ZNF610: variants seen among roughly 807,000 people sequenced by gnomAD.
ZNF610 encodes the protein zinc finger protein 610.
Under a neutral mutation model 14.1 loss-of-function variants are expected in ZNF610, and 14 were observed. The observed-to-expected ratio is 0.99, with a 90% CI of 0.65 to 1.55. The LOEUF (loss-of-function observed/expected upper bound fraction) is 1.55. Ranked by LOEUF, ZNF610 falls within the 40% of genes most tolerant of loss-of-function variation. ZNF610 has a pLI of 0.00. For synonymous variants in ZNF610, 185 were observed against 187.6 expected (o/e 0.99, Z 0.11); for missense variants, 530 against 558.0 (o/e 0.95, Z 0.51).
intron 5 of ZNF610, among the ~76,000 whole-genome samples, chr19:52,364,681 G>T (rs965724052): frequency 3.3e-5 from 5 of 152,146 alleles, no homozygotes. Context: ...AGGTTCAAGT[G>T]ATTCTCCTGC....
Position 52,366,366 on chromosome 19 carries a change from T to C in ZNF610, c.988T>C (p.Ser330Pro), listed in dbSNP as rs1256936162. 3 of 1,613,044 alleles carry C rather than the reference T, an allele frequency of 1.9e-6. No homozygotes were observed. The highest frequency in any genetic ancestry group is 1.3e-5 in the African/African-American group (1 of 74,648). Residue 330 changes from serine (S) to proline (P), a missense_variant, in exon 6 of 6, where the codon TCT becomes CCT. Transcript: ENST00000403906. ...ECGKNFRHKF[S>P]LTNHQRSHTA... ...TGGCAAGAACTTCAGGCACAAATTT[T>C]CTCTAACCAATCATCAGAGAAGTCA... is the stretch of plus-strand genomic sequence containing the variant.
Position 52,336,268 on chromosome 19 carries a change from G to A in ZNF610, c.-496G>A, listed in dbSNP as rs1311238282. ...GCAGACCCGGAAGCGGATCGCGTGGGTAGAAGGTCACACCGCAGCGCGTCA... is the reference window on the plus strand; with the variant it reads ...GCAGACCCGGAAGCGGATCGCGTGGATAGAAGGTCACACCGCAGCGCGTCA... On this transcript the variant is annotated 5_prime_UTR_variant, in exon 1 of 6. Coordinates refer to ENST00000403906, the MANE Select transcript of ZNF610 (RefSeq NM_001161425.2). 3 of 270,586 alleles carry A rather than the reference G, an allele frequency of 1.1e-5. No homozygotes were observed. Among genetic ancestry groups the A allele is most frequent in the East Asian group, 1.6e-4 (1 of 6,426 alleles). 16.8% of individuals were successfully genotyped at this position (270,586 alleles called of 1,614,324 possible).
In ZNF610 at chr19:52,365,935, T is replaced by A; in HGVS notation, c.557T>A (p.Phe186Tyr). The change falls in exon 6 of 6, where the codon TTC becomes TAC. Residue 186 changes from phenylalanine to tyrosine, a missense_variant. Phe to Tyr is a conservative substitution (Grantham distance 22). Transcript: ENST00000403906. The part of the protein sequence containing the change: ...FNKYRNDLID[F>Y]PLLPQEEKAY... ...AAATATAGAAATGATCTTATTGATT[T>A]CCCATTACTCCCACAAGAAGAGAAA... 6.2e-7 allele frequency: 1 copy of A among 1,613,066 alleles called. No homozygotes were observed. Among genetic ancestry groups the A allele is most frequent in the Non-Finnish European group, 8.5e-7 (1 of 1,179,620 alleles).
chr19:52,360,004 G>C (rs2560990), intron 5 of ZNF610, among the ~76,000 whole-genome samples: 27,687 of 152,186 alleles, frequency 0.18, 2,864 homozygotes, highest in East Asian at 0.32. Flanking sequence ...GGCAAGGTAT[G>C]GGGGAAGGGG....
intron 1 of ZNF610, among the ~76,000 whole-genome samples, chr19:52,338,095 A>G (rs1427483553): frequency 6.6e-6 from 1 of 152,190 alleles, no homozygotes; most frequent in African/African-American, 2.4e-5. Context: ...TCACACTAAC[A>G]CTATCTATGT....
chr19:52,357,173 C>A (rs1325648179), intron 5 of ZNF610, among the ~76,000 whole-genome samples: 1 of 152,108 alleles, frequency 6.6e-6, no homozygotes, highest in East Asian at 1.9e-4. Flanking sequence ...GTTCACAGAT[C>A]TCATGGTAAT....
At chr19:52,332,306 G>C (rs146764703), upstream of ZNF610, among the ~76,000 whole-genome samples, 2 of 152,192 alleles carry the variant, frequency 1.3e-5, no homozygotes, top group Non-Finnish European at 2.9e-5. This position sits in a 1 kb window ranked among gnomAD's most constrained non-coding sequence, Gnocchi z 4.1. Context: ...GCTATTATGC[G>C]TAACCCATGG....
intron 1 of ZNF610, among the ~76,000 whole-genome samples, chr19:52,336,778 G>A (rs1053016821): frequency 2.6e-5 from 4 of 152,104 alleles, no homozygotes; most frequent in Admixed American, 2.6e-4. Flanking sequence ...CTACTCCCCA[G>A]GCCTCCCCTT....
upstream of ZNF610, among the ~76,000 whole-genome samples, chr19:52,333,659 C>T (rs543342220): frequency 1.5e-4 from 23 of 152,254 alleles, no homozygotes; most frequent in Non-Finnish European, 2.5e-4. Context: ...TTACAGAGGG[C>T]CCATGAATTA....
upstream of ZNF610, among the ~76,000 whole-genome samples, chr19:52,336,022 C>T (rs1984354225): frequency 2.0e-5 from 3 of 152,212 alleles, no homozygotes; most frequent in African/African-American, 7.2e-5. Flanking sequence ...CCTGCCACCA[C>T]GGCCGGCTTA....
At chr19:52,335,882 GAGTAT>G (rs1984348704), upstream of ZNF610, among the ~76,000 whole-genome samples, 2 of 152,196 alleles carry the variant, frequency 1.3e-5, no homozygotes, top group African/African-American at 4.8e-5. Flanking sequence ...AGTCTACACT[GAGTAT>G]AGCACTGGGT....
intron 5 of ZNF610, among the ~76,000 whole-genome samples, chr19:52,360,212 T>G (rs994114701): frequency 6.6e-6 from 1 of 152,264 alleles, no homozygotes; most frequent in African/African-American, 2.4e-5. Context: ...GAGATTAGAG[T>G]TCTGCCTTGA....
At chr19:52,351,061 A>G (rs1283064432) in intron 3 of ZNF610, among the ~76,000 whole-genome samples, 1 of 152,218 alleles carries the variant, frequency 6.6e-6, no homozygotes, top group East Asian at 1.9e-4. Context: ...GTTTCGTTGT[A>G]ATATTTTATA....
rs1441472184 is a variant in ZNF610, at chr19:52,365,739, A to G, written c.361A>G (p.Ile121Val). The G allele has an allele frequency of 6.2e-7, 1 of 1,611,696 alleles. No homozygotes were observed. The highest frequency in any genetic ancestry group is 1.1e-5 in the South Asian group (1 of 90,340). Reference sequence around the variant, plus strand: ...GGGAAGCAATGCAGAAAACAAGCCTATTAAAAATCAACTTGGATTAACCCT... The same window carrying G: ...GGGAAGCAATGCAGAAAACAAGCCTGTTAAAAATCAACTTGGATTAACCCT... Reference protein sequence around the residue: ...VLGSNAENKPIKNQLGLTLEA... With the variant: ...VLGSNAENKPVKNQLGLTLEA... The change falls in exon 6 of 6, where the codon ATT becomes GTT. Residue 121 changes from isoleucine (I) to valine (V), a missense_variant. Physicochemically the swap from Ile to Val is conservative, Grantham distance 29 (BLOSUM62 3). Coordinates refer to ENST00000403906, the MANE Select transcript of ZNF610 (RefSeq NM_001161425.2).
chr19:52,354,128 C>G, intron 4 of ZNF610, 123 bp from the exon 5 acceptor site: 1 of 1,358,214 alleles, frequency 7.4e-7, no homozygotes, highest in Non-Finnish European at 1.0e-6. Flanking sequence ...AGGAGCCAGT[C>G]TGTGGGTGAA....
intron 3 of ZNF610, among the ~76,000 whole-genome samples, chr19:52,353,083 C>T (rs1387006984): frequency 1.3e-5 from 2 of 152,012 alleles, no homozygotes; most frequent in African/African-American, 2.4e-5. Context: ...GGATTACAGG[C>T]GCCCGCCACC....
At chr19:52,356,978 A>C (rs947208638) in intron 5 of ZNF610, among the ~76,000 whole-genome samples, 1 of 152,116 alleles carries the variant, frequency 6.6e-6, no homozygotes, top group Non-Finnish European at 1.5e-5. Flanking sequence ...GGGCCCTTGA[A>C]TTCTATTCTG....
intron 5 of ZNF610, 65 bp from the exon 6 acceptor site, chr19:52,365,633 C>T: frequency 7.1e-7 from 1 of 1,400,588 alleles, no homozygotes; most frequent in Non-Finnish European, 9.7e-7. Context: ...TGATTCTGGT[C>T]CCTCCACCAG....
At chr19:52,345,505 A>G (rs1472319373) in intron 1 of ZNF610, 1 of 152,014 alleles carries the variant, frequency 6.6e-6, no homozygotes, top group Non-Finnish European at 1.5e-5. Context: ...ATGGACGAAT[A>G]AGTGGTTGGA....
Sources: gnomAD v4.1 joint callset for allele counts (sites outside exome capture counted in the v4.1 genomes callset) on GRCh38, gnomAD v4.1.1 for gene constraint, Gnocchi (gnomAD v3.1) non-coding constraint, MANE v1.5 for transcripts, NCBI Gene and HGNC (gene_info 2026-07-23, HGNC 2026-07-21) for gene names.